RAP1GAP: variants seen among roughly 807,000 people sequenced by gnomAD.
RAP1GAP encodes rap1 GTPase-activating protein 1.
Under a neutral mutation model 87.2 loss-of-function variants are expected in RAP1GAP, and 35 were observed. That is an observed-to-expected ratio of 0.40 (90% confidence interval 0.31 to 0.53). The LOEUF is 0.53. RAP1GAP is among the 20% of genes least tolerant of loss of function. RAP1GAP has a pLI of 0.48. For missense variants in RAP1GAP, 734 were observed against 898.9 expected, an observed-to-expected ratio of 0.82 and a Z score of 2.35; for synonymous variants, 375 against 363.9, an observed-to-expected ratio of 1.03 and a Z score of -0.35.
At position 21,669,335 on chromosome 1, in the gene RAP1GAP, G is replaced by T. The variant is rs776981256; in HGVS notation, c.-230C>A. The T allele has an allele frequency of 9.3e-5, 100 of 1,079,958 alleles. No homozygotes were observed. Among genetic ancestry groups the T allele is most frequent in the Non-Finnish European group, 1.0e-4 (92 of 886,518 alleles). 66.9% of individuals were successfully genotyped at this position (1,079,958 alleles called of 1,614,324 possible). On this transcript the variant is annotated 5_prime_UTR_variant, in exon 1 of 25. Transcript: ENST00000374765. The surrounding 1 kb of genome is among the most constrained non-coding windows in gnomAD (Gnocchi z 5.6). ...GCTGCAGCTCTGCTCAGATGCGGCC[G>T]GCGCTCGCCGCCGCCGCAGTTCGGG...
At chr1:21,645,499 AAAAAT>A (rs1190594420) in intron 2 of RAP1GAP, among the ~76,000 whole-genome samples, 1 of 152,168 alleles carries the variant, frequency 6.6e-6, no homozygotes, top group African/African-American at 2.4e-5. Flanking sequence ...AAATAAAAAT[AAAAAT>A]AAAATAAAAT....
chr1:21,618,749 G>A (rs1040514500), intron 5 of RAP1GAP, among the ~76,000 whole-genome samples: 1 of 152,168 alleles, frequency 6.6e-6, no homozygotes, highest in African/African-American at 2.4e-5. Context: ...GAGAGGCAGG[G>A]GGAGTCTGCA....
chr1:21,601,789 G>A lies in RAP1GAP; in HGVS notation c.1547C>T (p.Pro516Leu). 1.2e-6 allele frequency: 2 copies of A among 1,606,586 alleles called. No individual in the cohort carries two copies. The highest frequency in any genetic ancestry group is 1.7e-6 in the Non-Finnish European group (2 of 1,176,776). ...GTCTGGGGTCTTCTGACCAGCCGGA[G>A]GGCTCTCCCTGCGGGGCACACGGGG... ...IQEVQEKRES[P>L]PAGQKTPDSG... The change falls in exon 20 of 25, where the codon CCT becomes CTT. Residue 516 changes from proline (P) to leucine (L), a missense_variant. This residue lies in a region of RAP1GAP where 249 missense variants were observed against 252.7 expected (regional missense o/e 0.99). Transcript: ENST00000374765.
rs1241951274 is a variant in RAP1GAP, at chr1:21,613,185, G to C, written c.519C>G (p.Leu173=). ...DVNVDRFYPV[L]YPKASRLIVT... is the part of the protein sequence containing the mutation. ...CCAGATCCAGCCATACCTTGGGGTA[G>C]AGCACAGGATAGAACCGATCCACAT... Residue 173 remains leucine (L), a synonymous_variant, in exon 10 of 25, where the codon CTC becomes CTG. Coordinates refer to ENST00000374765, the MANE Select transcript of RAP1GAP (RefSeq NM_002885.4). This position sits in a 1 kb window ranked among gnomAD's most constrained non-coding sequence, Gnocchi z 4.7. 2 of 1,555,414 alleles carry C rather than the reference G, an allele frequency of 1.3e-6. No individual in the cohort carries two copies. The highest frequency in any genetic ancestry group is 2.2e-5 in the East Asian group (1 of 44,586).
intron 2 of RAP1GAP, among the ~76,000 whole-genome samples, chr1:21,637,136 C>CT (rs1387489451): frequency 1.4e-5 from 2 of 144,192 alleles, no homozygotes; most frequent in African/African-American, 5.1e-5. Context: ...ATTTGAAATT[C>CT]TTTTTTTTCT....
intron 1 of RAP1GAP, among the ~76,000 whole-genome samples, chr1:21,666,305 C>G (rs1326964979): frequency 1.3e-5 from 2 of 152,216 alleles, no homozygotes; most frequent in African/African-American, 4.8e-5. Context: ...TGGCCCCCAG[C>G]CTTGCTGGGA....
Position 21,615,399 on chromosome 1 carries a change from C to CTT in RAP1GAP, c.292-1312_292-1311dup, listed in dbSNP as rs5772954. ...TCTGATCCTGGACATGAAGCCTCTT[C>CTT]TTTTTTTTTTGAGATGGAGTCTTGC... is the stretch of plus-strand genomic sequence containing the variant. On this transcript the variant is annotated intron_variant, in intron 7 of 24. Transcript: ENST00000374765. The surrounding 1 kb of genome is among the most constrained non-coding windows in gnomAD (Gnocchi z 4.5). Among the ~76,000 whole-genome samples the CTT allele has an allele frequency of 5.6e-3, 834 of 149,896 alleles. 2 individuals are homozygous for CTT. The highest frequency in any genetic ancestry group is 6.4e-3 in the African/African-American group (263 of 40,864).
intron 6 of RAP1GAP, 97 bp downstream of exon 6, chr1:21,617,837 G>A: frequency 6.5e-7 from 1 of 1,533,230 alleles, no homozygotes; most frequent in Non-Finnish European, 9.0e-7. Flanking sequence ...AAGGCCTGCA[G>A]GTCAGGCTCC....
chr1:21,611,328 G>T, intron 13 of RAP1GAP, 124 bp downstream of exon 13: 1 of 1,334,714 alleles, frequency 7.5e-7, no homozygotes, highest in Non-Finnish European at 1.0e-6. Context: ...ACAAGTGGGG[G>T]CGCTGATCAT....
chr1:21,656,396 G>A (rs1189290214), intron 1 of RAP1GAP, among the ~76,000 whole-genome samples: 3 of 143,590 alleles, frequency 2.1e-5, no homozygotes, highest in Non-Finnish European at 3.0e-5. Context: ...TGCAGCCTGG[G>A]TGACATAGCA....
At chr1:21,631,902 C>A (rs909021026) in intron 2 of RAP1GAP, among the ~76,000 whole-genome samples, 3 of 152,136 alleles carry the variant, frequency 2.0e-5, no homozygotes, top group African/African-American at 7.2e-5. Flanking sequence ...CGTCACCTGG[C>A]CTCCTGCCCC....
chr1:21,603,460 A>G lies in RAP1GAP; in HGVS notation c.1429-547T>C. 1.7e-6 allele frequency: 1 copy of G among 586,460 alleles called. No individual in the cohort carries two copies. Among genetic ancestry groups the G allele is most frequent in the Non-Finnish European group, 3.1e-6 (1 of 327,740 alleles). The allele number at this position is 586,460 out of a possible 1,614,324, so 36.3% of individuals were successfully genotyped here. ...TGGAGGCAGGAAGGGGTAGGACCCC[A>G]GGTCACTTCGTGGCGGGGAGGAGGA... On this transcript the variant is annotated intron_variant, in intron 18 of 24. Coordinates refer to ENST00000374765, the MANE Select transcript of RAP1GAP (RefSeq NM_002885.4). The surrounding 1 kb of genome is among the most constrained non-coding windows in gnomAD (Gnocchi z 6.0).
Position 21,609,699 on chromosome 1 carries a change from C to A in RAP1GAP, c.1000-53G>T. 1 of 1,381,098 alleles carries A rather than the reference C, an allele frequency of 7.2e-7. No individual in the cohort carries two copies. The highest frequency in any genetic ancestry group is 9.7e-7 in the Non-Finnish European group (1 of 1,028,188). 85.6% of individuals were successfully genotyped at this position (1,381,098 alleles called of 1,614,324 possible). On this transcript the variant is annotated intron_variant, in intron 14 of 24. Transcript: ENST00000374765. The surrounding 1 kb of genome is among the most constrained non-coding windows in gnomAD (Gnocchi z 4.4). ...TGTGGAGCCTGGGGTCTGCTCTGCC[C>A]CACCCAGCCAGAAACCCCTACTGTG...
chr1:21,617,193 A>T, intron 7 of RAP1GAP, 113 bp downstream of exon 7: 1 of 1,246,496 alleles, frequency 8.0e-7, no homozygotes, highest in Non-Finnish European at 1.1e-6. Context: ...TCAGGGCTCT[A>T]GGACTGTCAC....
At chr1:21,636,755 C>T (rs2094737267) in intron 2 of RAP1GAP, among the ~76,000 whole-genome samples, 1 of 151,128 alleles carries the variant, frequency 6.6e-6, no homozygotes, top group South Asian at 2.1e-4. Context: ...TGCAGTGAGC[C>T]GAGATCATGC....
rs765303266 is a variant in RAP1GAP at position 21,603,755 on chromosome 1, A to G, written c.1429-842T>C. ...CGGGGGCAGAGGGGCAACGTCCCCA[A>G]TATGGCCTCCGTCCTGAGAGCGAGC... On this transcript the variant is annotated intron_variant, in intron 18 of 24. Coordinates refer to ENST00000374765, the MANE Select transcript of RAP1GAP (RefSeq NM_002885.4). This position sits in a 1 kb window ranked among gnomAD's most constrained non-coding sequence, Gnocchi z 6.0. 5 of 1,476,296 alleles carry G rather than the reference A, an allele frequency of 3.4e-6. No homozygotes were observed. The highest frequency in any genetic ancestry group is 1.1e-5 in the South Asian group (1 of 88,138). 91.4% of individuals were successfully genotyped at this position (1,476,296 alleles called of 1,614,324 possible). A position where few individuals can be genotyped will look rare whatever the true frequency, so the allele number is the denominator to read the frequency against.
At chr1:21,641,993 A>G (rs1467973916) in intron 2 of RAP1GAP, among the ~76,000 whole-genome samples, 1 of 152,092 alleles carries the variant, frequency 6.6e-6, no homozygotes. Flanking sequence ...GCACCTCCTC[A>G]CTGCCTCTCA....
chr1:21,668,896 C>T lies in RAP1GAP; in HGVS notation c.-149+358G>A, dbSNP rs1170621724. Reference sequence around the variant, plus strand: ...AGGAAACGCGCCCACTTCCCACAGTCCCTCCTCTAAACCCCAGGCGCCCCC... The same window carrying T: ...AGGAAACGCGCCCACTTCCCACAGTTCCTCCTCTAAACCCCAGGCGCCCCC... On this transcript the variant is annotated intron_variant, in intron 1 of 24. Transcript: ENST00000374765. The surrounding 1 kb of genome is among the most constrained non-coding windows in gnomAD (Gnocchi z 6.2). 3.3e-5 allele frequency among the ~76,000 whole-genome samples: 5 copies of T among 150,642 alleles called. No homozygotes were observed. Among genetic ancestry groups the T allele is most frequent in the Admixed American group, 6.6e-5 (1 of 15,198 alleles).
At chr1:21,646,501 C>T (rs1040458131) in intron 2 of RAP1GAP, among the ~76,000 whole-genome samples, 3 of 152,242 alleles carry the variant, frequency 2.0e-5, no homozygotes, top group African/African-American at 7.2e-5. Context: ...GGCCAAATTG[C>T]AGGACTGATG....
Sources: allele counts gnomAD v4.1 joint callset (sites outside exome capture counted in the v4.1 genomes callset), GRCh38; gene constraint gnomAD v4.1.1; regional missense constraint gnomAD v4.1.1; non-coding constraint Gnocchi (gnomAD v3.1); transcripts MANE v1.5; gene names NCBI Gene and HGNC (gene_info 2026-07-23, HGNC 2026-07-21).